The following NBL1 variants were observed in gnomAD, a reference collection of about 807,000 sequenced individuals.
NBL1 encodes neuroblastoma suppressor of tumorigenicity 1.
In NBL1, 9 loss-of-function variants were observed where a neutral mutation model predicts 16.0. The ratio of observed to expected loss-of-function variants is 0.56; its 90% CI spans 0.34 to 0.98. The LOEUF (loss-of-function observed/expected upper bound fraction) is 0.98, where lower values mean the gene tolerates loss of function less well. Ranked by LOEUF, NBL1 falls within the 50% of genes least tolerant of loss-of-function variation. The pLI, the probability that NBL1 is intolerant of heterozygous loss-of-function variation, is 0.02. For missense variants in NBL1, 196 were observed against 243.1 expected (o/e 0.81, Z 1.29); for synonymous variants, 86 against 100.7 (o/e 0.85, Z 0.87).
chr1:19,644,526 C>T lies in NBL1; in HGVS notation c.-20+80C>T. The T allele has an allele frequency of 3.7e-6, 3 of 811,532 alleles. No individual in the cohort carries two copies. The highest frequency in any genetic ancestry group is 5.6e-5 in the South Asian group (1 of 17,922). 50.3% of individuals were successfully genotyped at this position (811,532 alleles called of 1,614,324 possible). A position where few individuals can be genotyped will look rare whatever the true frequency, so the allele number is the denominator to read the frequency against. ...CGGGGGCAGTGCCGCGCCCCCAGCC[C>T]GGAGCTGCGTCCCCCGGCGCGTCCG... On this transcript the variant is annotated intron_variant, in intron 1 of 3. Transcript: ENST00000375136. The surrounding 1 kb of genome is among the most constrained non-coding windows in gnomAD (Gnocchi z 4.6).
upstream of NBL1, chr1:19,643,263 G>C: frequency 2.5e-6 from 4 of 1,582,084 alleles, no homozygotes; most frequent in South Asian, 1.1e-5. This position sits in a 1 kb window ranked among gnomAD's most constrained non-coding sequence, Gnocchi z 4.7. Flanking sequence ...GTGCGAGTAG[G>C]CTGGAGTACA....
intron 1 of NBL1, among the ~76,000 whole-genome samples, chr1:19,652,820 TC>T (rs1208078147): frequency 6.6e-6 from 1 of 151,646 alleles, no homozygotes; most frequent in African/African-American, 2.4e-5. Flanking sequence ...AAACCCCATC[TC>T]TACTAAAAAT....
chr1:19,656,403 G>T (rs938214438), intron 3 of NBL1, among the ~76,000 whole-genome samples: 17 of 132,034 alleles, frequency 1.3e-4, no homozygotes, highest in Admixed American at 6.2e-4. Flanking sequence ...GCGGGGATAG[G>T]GGGGTGGGTG....
At chr1:19,656,723 T>A in intron 3 of NBL1, 143 bp from the exon 4 acceptor site, 1 of 1,373,796 alleles carries the variant, frequency 7.3e-7, no homozygotes, top group Non-Finnish European at 9.6e-7. Context: ...AATTTCCCCC[T>A]CCCCATGGGA....
chr1:19,654,919 C>A (rs1240634176), intron 1 of NBL1, 93 bp from the exon 2 acceptor site: 1 of 1,435,448 alleles, frequency 7.0e-7, no homozygotes. Context: ...GGGGTTGCGC[C>A]AAGGAGTCGG....
chr1:19,644,034 G>A (rs2094962078), upstream of NBL1: 7 of 982,564 alleles, frequency 7.1e-6, no homozygotes, highest in Non-Finnish European at 7.2e-6. This position sits in a 1 kb window ranked among gnomAD's most constrained non-coding sequence, Gnocchi z 4.6. Flanking sequence ...GCCCGGCTGG[G>A]CTGCCCTGCC....
upstream of NBL1, chr1:19,643,244 G>T (rs774086228): frequency 6.5e-5 from 96 of 1,474,198 alleles, no homozygotes; most frequent in Non-Finnish European, 8.1e-5. This position sits in a 1 kb window ranked among gnomAD's most constrained non-coding sequence, Gnocchi z 4.7. Flanking sequence ...TGCAGGCTGG[G>T]TGTGGAGGGT....
chr1:19,644,434 G>T lies in NBL1; in HGVS notation c.-32G>T. ...CCCCGCACCCAGCTCCGCAGGACCG[G>T]CGGGCGCGCGCGGTAAGTCCCGCCC... On this transcript the variant is annotated 5_prime_UTR_variant, in exon 1 of 4. Coordinates refer to ENST00000375136, the MANE Select transcript of NBL1 (RefSeq NM_005380.8). The surrounding 1 kb of genome is among the most constrained non-coding windows in gnomAD (Gnocchi z 4.6). 1 of 979,068 alleles carries T rather than the reference G, an allele frequency of 1.0e-6. No homozygotes were observed. The highest frequency in any genetic ancestry group is 1.2e-6 in the Non-Finnish European group (1 of 827,484). 60.6% of individuals were successfully genotyped at this position (979,068 alleles called of 1,614,324 possible).
intron 1 of NBL1, among the ~76,000 whole-genome samples, chr1:19,647,904 C>T (rs570345949): frequency 5.3e-5 from 8 of 150,964 alleles, no homozygotes; most frequent in African/African-American, 9.8e-5. Flanking sequence ...CGTGTGTGTG[C>T]GTGCTTGTGC....
rs1235703078 is a variant in NBL1 at position 19,655,378 on chromosome 1, C to T, written c.225C>T (p.Ser75=). The T allele has an allele frequency of 6.2e-7, 1 of 1,614,044 alleles. No homozygotes were observed. Among genetic ancestry groups the T allele is most frequent in the Non-Finnish European group, 8.5e-7 (1 of 1,180,034 alleles). ...SYSVPNTFPQ[S]TESLVHCDSC... The stretch of plus-strand genomic sequence containing the variant: ...GCGTCCCCAACACCTTCCCACAGTC[C>T]ACAGAGTCCCTGGTTCACTGTGACT... The change falls in exon 3 of 4, where the codon TCC becomes TCT. Residue 75 remains serine (S), a synonymous_variant. Coordinates refer to ENST00000375136, the MANE Select transcript of NBL1 (RefSeq NM_005380.8).
chr1:19,655,253 G>A (rs1478093986), intron 2 of NBL1, 53 bp downstream of exon 2: 36 of 1,609,726 alleles, frequency 2.2e-5, no homozygotes, highest in Admixed American at 1.0e-4. Context: ...AAGGAGGGAG[G>A]AAGAGGACCA....
At chr1:19,646,723 C>A (rs1183177354) in intron 1 of NBL1, among the ~76,000 whole-genome samples, 3 of 152,212 alleles carry the variant, frequency 2.0e-5, no homozygotes, top group Non-Finnish European at 4.4e-5. Context: ...AAGTTGGATT[C>A]TGGAGGAGGC....
chr1:19,657,047 A>AC lies in NBL1; in HGVS notation c.469dup (p.His157ProfsTer8). The AC allele has an allele frequency of 1.8e-6, 2 of 1,130,584 alleles. No homozygotes were observed. Among genetic ancestry groups the AC allele is most frequent in the Non-Finnish European group, 2.2e-6 (2 of 903,552 alleles). 70.0% of individuals were successfully genotyped at this position (1,130,584 alleles called of 1,614,324 possible). A position where few individuals can be genotyped will look rare whatever the true frequency, so the allele number is the denominator to read the frequency against. On this transcript the variant is annotated frameshift_variant, in exon 4 of 4. Transcript: ENST00000375136. LOFTEE classifies it high-confidence loss of function. ...GGCACCCACCCTCACCCCCATCCCC[A>AC]CCCCCATCCTGGCGGGCAGACCCCT...
intron 3 of NBL1, among the ~76,000 whole-genome samples, chr1:19,656,320 G>A (rs2095056095): frequency 6.6e-6 from 1 of 151,070 alleles, no homozygotes; most frequent in Non-Finnish European, 1.5e-5. Flanking sequence ...GCTGGGCTTT[G>A]GGGTGGGGCT....
At chr1:19,656,368 C>T (rs1478904689) in intron 3 of NBL1, among the ~76,000 whole-genome samples, 1 of 108,878 alleles carries the variant, frequency 9.2e-6, no homozygotes, top group Non-Finnish European at 1.8e-5. Context: ...GACCCAAAGG[C>T]GCAGTTTAGG....
upstream of NBL1, chr1:19,643,670 G>A: frequency 5.7e-6 from 7 of 1,230,136 alleles, no homozygotes; most frequent in South Asian, 8.7e-5. This position sits in a 1 kb window ranked among gnomAD's most constrained non-coding sequence, Gnocchi z 4.7. Flanking sequence ...AGTCCCTGGG[G>A]CTTTTCGGGA....
intron 1 of NBL1, chr1:19,646,029 C>G (rs757287257): frequency 8.4e-6 from 13 of 1,550,516 alleles, no homozygotes; most frequent in Non-Finnish European, 1.1e-5. Context: ...GCAGGAGGGT[C>G]TGCGGTAAGG....
intron 1 of NBL1, chr1:19,645,899 C>G (rs776839769): frequency 6.5e-7 from 1 of 1,546,504 alleles, no homozygotes; most frequent in African/African-American, 1.4e-5. Flanking sequence ...CGGAGGCTGC[C>G]GGAGCGGGCA....
At chr1:19,645,878 A>G in intron 1 of NBL1, 1 of 1,535,794 alleles carries the variant, frequency 6.5e-7, no homozygotes, top group Non-Finnish European at 8.8e-7. Flanking sequence ...CCCACCCACA[A>G]CCTCAAGGGT....
Sources: allele counts gnomAD v4.1 joint callset (sites outside exome capture counted in the v4.1 genomes callset), GRCh38; gene constraint gnomAD v4.1.1; non-coding constraint Gnocchi (gnomAD v3.1); transcripts MANE v1.5; gene names NCBI Gene and HGNC (gene_info 2026-07-23, HGNC 2026-07-21).